Variants in NXPE2 observed in about 807,000 individuals in gnomAD.
NXPE2 encodes the protein NXPE family member 2.
NXPE2 carries 34 observed loss-of-function variants against 34.4 expected under a neutral mutation model. The ratio of observed to expected loss-of-function variants is 0.99; its 90% CI spans 0.75 to 1.31. The LOEUF (loss-of-function observed/expected upper bound fraction) is 1.31. NXPE2 is among the 40% of genes most tolerant of loss of function. The pLI, the probability that NXPE2 is intolerant of heterozygous loss-of-function variation, is 0.00. For missense variants in NXPE2, 649 were observed against 672.5 expected (o/e 0.97, Z 0.39); for synonymous variants, 235 against 231.3 (o/e 1.02, Z -0.15).
At chr11:114,584,006 T>C in the NXPE2 span, 2 of 360,278 alleles carry the variant, frequency 5.6e-6, no homozygotes, top group South Asian at 5.1e-5. Flanking sequence ...AATAGAGATG[T>C]TCCTGTCTAG....
chr11:114,509,322 G>T, the NXPE2 span, among the ~76,000 whole-genome samples: 1 of 152,196 alleles, frequency 6.6e-6, no homozygotes, highest in African/African-American at 2.4e-5. Flanking sequence ...CACTGTTAGT[G>T]GGAGTGTAAA....
chr11:114,711,149 A>G (rs960048110), downstream of NXPE2, among the ~76,000 whole-genome samples: 1 of 152,184 alleles, frequency 6.6e-6, no homozygotes, highest in Admixed American at 6.5e-5. Flanking sequence ...TGCAACTAGG[A>G]ACTACTGTTT....
At chr11:114,638,979 C>G in the NXPE2 span, among the ~76,000 whole-genome samples, 1 of 152,030 alleles carries the variant, frequency 6.6e-6, no homozygotes, top group African/African-American at 2.4e-5. Flanking sequence ...GCTGGGAGAA[C>G]CACTGCTCTC....
the NXPE2 span, chr11:114,522,450 G>C: frequency 6.2e-7 from 1 of 1,612,602 alleles, no homozygotes; most frequent in Non-Finnish European, 8.5e-7. Context: ...TCTGCATCCA[G>C]AAGCAAATGT....
chr11:114,569,041 C>T, the NXPE2 span, among the ~76,000 whole-genome samples: 2 of 152,120 alleles, frequency 1.3e-5, no homozygotes, highest in African/African-American at 4.8e-5. Context: ...TGATTATTGG[C>T]AAATAAATAG....
chr11:114,737,288 C>T, the NXPE2 span, among the ~76,000 whole-genome samples: 1 of 152,090 alleles, frequency 6.6e-6, no homozygotes, highest in Non-Finnish European at 1.5e-5. Context: ...ATACCCAAAC[C>T]CATCTTCACC....
At chr11:114,639,731 A>C in the NXPE2 span, among the ~76,000 whole-genome samples, 2 of 127,228 alleles carry the variant, frequency 1.6e-5, no homozygotes, top group African/African-American at 2.9e-5. Flanking sequence ...TAGTAATATA[A>C]TATAAAATAA....
At chr11:114,467,115 G>T in the NXPE2 span, among the ~76,000 whole-genome samples, 1 of 152,118 alleles carries the variant, frequency 6.6e-6, no homozygotes, top group East Asian at 1.9e-4. Context: ...TCAATATACT[G>T]TGCATACTTT....
chr11:114,651,248 A>G, the NXPE2 span, among the ~76,000 whole-genome samples: 3 of 151,948 alleles, frequency 2.0e-5, no homozygotes, highest in East Asian at 5.8e-4. Flanking sequence ...TCAGATGTTC[A>G]GATGTGTCCG....
At chr11:114,563,757 G>T in the NXPE2 span, among the ~76,000 whole-genome samples, 2 of 152,006 alleles carry the variant, frequency 1.3e-5, no homozygotes, top group Non-Finnish European at 2.9e-5. Context: ...AATACAAATC[G>T]AAACCACAGT....
At chr11:114,506,594 A>T in the NXPE2 span, among the ~76,000 whole-genome samples, 5 of 152,220 alleles carry the variant, frequency 3.3e-5, no homozygotes, top group East Asian at 9.6e-4. Flanking sequence ...ACAACTATAC[A>T]ATTACATGGA....
chr11:114,651,187 C>T, the NXPE2 span, among the ~76,000 whole-genome samples: 6 of 151,994 alleles, frequency 3.9e-5, no homozygotes, highest in African/African-American at 7.2e-5. Flanking sequence ...CGTGGACCCT[C>T]GCGGTTGAGT....
the NXPE2 span, among the ~76,000 whole-genome samples, chr11:114,566,296 C>T: frequency 4.6e-5 from 7 of 152,172 alleles, no homozygotes; most frequent in South Asian, 1.4e-3. Context: ...TAGGAATGAA[C>T]CCCAGGGCAC....
chr11:114,778,188 A>G, the NXPE2 span, among the ~76,000 whole-genome samples: 1 of 152,204 alleles, frequency 6.6e-6, no homozygotes, highest in East Asian at 1.9e-4. Flanking sequence ...GAGTGATTTC[A>G]GCTGAGATCT....
At chr11:114,583,062 G>T in the NXPE2 span, 1 of 1,560,906 alleles carries the variant, frequency 6.4e-7, no homozygotes, top group South Asian at 1.2e-5. Flanking sequence ...GATAAATTTA[G>T]AGCATATCTG....
At chr11:114,595,175 A>G in the NXPE2 span, among the ~76,000 whole-genome samples, 1 of 152,186 alleles carries the variant, frequency 6.6e-6, no homozygotes, top group East Asian at 1.9e-4. Flanking sequence ...ACATCATTAC[A>G]GTGCCTGTTG....
At chr11:114,592,067 A>T in the NXPE2 span, among the ~76,000 whole-genome samples, 1 of 152,218 alleles carries the variant, frequency 6.6e-6, no homozygotes, top group Non-Finnish European at 1.5e-5. Context: ...CACAGCTAAC[A>T]TCACATTCAA....
At chr11:114,734,413 TTTCTC>T in the NXPE2 span, among the ~76,000 whole-genome samples, 8 of 152,226 alleles carry the variant, frequency 5.3e-5, no homozygotes, top group Admixed American at 5.2e-4. Context: ...TTATTCTTAT[TTTCTC>T]TACAGTGTGT....
chr11:114,769,196 CAT>C, the NXPE2 span, among the ~76,000 whole-genome samples: 1 of 150,984 alleles, frequency 6.6e-6, no homozygotes, highest in African/African-American at 2.4e-5. Context: ...GACCAACAAA[CAT>C]ATGAAAAAAA....
Sources: allele counts gnomAD v4.1 joint callset (sites outside exome capture counted in the v4.1 genomes callset), GRCh38; gene constraint gnomAD v4.1.1; transcripts MANE v1.5; gene names NCBI Gene and HGNC (gene_info 2026-07-23, HGNC 2026-07-21).